Variants in PAK3 observed in about 807,000 individuals in gnomAD.
PAK3 encodes p21 (RAC1) activated kinase 3.
In PAK3, 4 loss-of-function variants were observed where a neutral mutation model predicts 41.0. That is an observed-to-expected ratio of 0.10 (90% CI 0.05 to 0.22). PAK3 has a LOEUF of 0.22. PAK3 is among the 10% of genes least tolerant of loss of function. PAK3 has a pLI of 1.00. For synonymous variants in PAK3, 146 were observed against 139.6 expected, an observed-to-expected ratio of 1.05 and a Z score of -0.32; for missense variants, 205 against 409.9, an observed-to-expected ratio of 0.50 and a Z score of 4.32.
At chrX:110,962,185 A>G (rs1004008275) in intron 1 of PAK3, among the ~76,000 whole-genome samples, 1 of 112,000 alleles carries the variant, frequency 8.9e-6, no homozygotes, top group Admixed American at 9.4e-5. Flanking sequence ...CTGCCTATGG[A>G]CTGCCTCTGC....
chrX:111,134,428 C>G (rs1311460516), intron 5 of PAK3, among the ~76,000 whole-genome samples: 1 of 112,186 alleles, frequency 8.9e-6, no homozygotes, highest in African/African-American at 3.2e-5. Flanking sequence ...TGACCTGTCC[C>G]CATATACTGG....
intron 1 of PAK3, among the ~76,000 whole-genome samples, chrX:111,046,202 C>T (rs1322273699): frequency 9.0e-6 from 1 of 111,587 alleles, no homozygotes; most frequent in Non-Finnish European, 1.9e-5. Context: ...GTTAACTCTA[C>T]TCATTTGCTG....
chrX:110,999,619 A>T lies in PAK3; in HGVS notation c.-28+54991A>T, dbSNP rs1174344514. 4.8e-5 allele frequency among the ~76,000 whole-genome samples: 5 copies of T among 105,044 alleles called. No individual in the cohort carries two copies. In the Admixed American group the frequency reaches 5.2e-4, roughly 11 times the overall value. The allele number at this position is 105,044 out of a possible 115,157, so 91.2% of individuals were successfully genotyped here. A position where few individuals can be genotyped will look rare whatever the true frequency, so the allele number is the denominator to read the frequency against. On this transcript the variant is annotated intron_variant, in intron 1 of 14. Transcript: ENST00000425146. ...GCCACTTAATTTATACATGCAAGGT[A>T]TTGGGTTTTATTGGGGGAGTGGTGG...
At chrX:110,974,950 G>A in intron 1 of PAK3, among the ~76,000 whole-genome samples, 1 of 111,653 alleles carries the variant, frequency 9.0e-6, no homozygotes, top group Non-Finnish European at 1.9e-5. Context: ...AGGTATTGAT[G>A]GAACAAATCT....
intron 13 of PAK3, among the ~76,000 whole-genome samples, chrX:111,192,901 T>C (rs2094573378): frequency 1.8e-5 from 2 of 111,809 alleles, no homozygotes; most frequent in African/African-American, 6.5e-5. Context: ...GAGGGAGTAG[T>C]GGTTTAAACA....
intron 1 of PAK3, among the ~76,000 whole-genome samples, chrX:111,005,399 G>A (rs758344542): frequency 2.7e-5 from 3 of 111,584 alleles, no homozygotes; most frequent in African/African-American, 9.8e-5. Flanking sequence ...CATTGAAGCC[G>A]GTAGACTGAC....
intron 16 of PAK3, among the ~76,000 whole-genome samples, chrX:111,208,578 A>G (rs771111247): frequency 4.6e-4 from 52 of 112,308 alleles, no homozygotes; most frequent in Non-Finnish European, 8.3e-4. Flanking sequence ...ACAGTATTCA[A>G]TACAGTCACA....
intron 11 of PAK3, among the ~76,000 whole-genome samples, chrX:111,183,042 TG>T (rs2094475968): frequency 8.9e-6 from 1 of 111,914 alleles, no homozygotes; most frequent in African/African-American, 3.2e-5. Flanking sequence ...GTACCACACT[TG>T]CACTTAGCAC....
At chrX:111,072,774 C>T (rs1206524901) in intron 1 of PAK3, among the ~76,000 whole-genome samples, 2 of 111,964 alleles carry the variant, frequency 1.8e-5, no homozygotes, top group African/African-American at 3.2e-5. Flanking sequence ...AGGACAGTAA[C>T]CAAGTTTGAA....
intron 5 of PAK3, among the ~76,000 whole-genome samples, chrX:111,132,438 G>A (rs1196305241): frequency 9.0e-6 from 1 of 110,941 alleles, no homozygotes; most frequent in Non-Finnish European, 1.9e-5. Context: ...AATACAGATT[G>A]CACCTGGGCA....
intron 1 of PAK3, among the ~76,000 whole-genome samples, chrX:111,074,708 G>C (rs995530194): frequency 6.2e-5 from 7 of 112,070 alleles, no homozygotes; most frequent in African/African-American, 2.3e-4. Flanking sequence ...TGAAAAATTT[G>C]AATGTTGCAG....
At chrX:111,125,057 A>C (rs1415924212) in intron 5 of PAK3, among the ~76,000 whole-genome samples, 1 of 111,692 alleles carries the variant, frequency 9.0e-6, no homozygotes, top group East Asian at 2.8e-4. Context: ...TTATAAACTA[A>C]TGTATAACTT....
intron 4 of PAK3, among the ~76,000 whole-genome samples, chrX:111,121,296 T>C (rs1281860975): frequency 9.0e-6 from 1 of 111,554 alleles, no homozygotes; most frequent in Non-Finnish European, 1.9e-5. Context: ...ATGCAAGACA[T>C]GACACTTAGC....
intron 5 of PAK3, among the ~76,000 whole-genome samples, chrX:111,126,759 A>C (rs1395165919): frequency 1.3e-4 from 15 of 111,979 alleles, no homozygotes; most frequent in Non-Finnish European, 2.6e-4. Flanking sequence ...TTTGGACCTT[A>C]TCAATGAACA....
intron 10 of PAK3, among the ~76,000 whole-genome samples, chrX:111,171,560 T>C (rs1367667469): frequency 9.0e-6 from 1 of 111,645 alleles, no homozygotes; most frequent in African/African-American, 3.3e-5. Flanking sequence ...CTGGATTTTT[T>C]TGAAATAGCA....
At chrX:111,195,174 C>A (rs1569458749) in intron 14 of PAK3, among the ~76,000 whole-genome samples, 1 of 109,992 alleles carries the variant, frequency 9.1e-6, no homozygotes, top group African/African-American at 3.3e-5. Flanking sequence ...CTAATCTCTG[C>A]TTTTTTTTTA....
chrX:111,065,317 G>GTTTTTTTTTTTTT (rs56710729), intron 1 of PAK3, among the ~76,000 whole-genome samples: 2 of 102,268 alleles, frequency 2.0e-5, no homozygotes. Context: ...AGATGATCAC[G>GTTTTTTTTTTTTT]TTTTTTTTTT....
intron 1 of PAK3, among the ~76,000 whole-genome samples, chrX:111,073,145 C>T (rs2092759143): frequency 9.0e-6 from 1 of 111,050 alleles, no homozygotes; most frequent in Non-Finnish European, 1.9e-5. Context: ...GGAGGGGCTA[C>T]CACTATCTTT....
chrX:111,221,948 T>C lies in PAK3; in HGVS notation c.*1501T>C, dbSNP rs1189404115. 2 of 112,186 alleles carry C rather than the reference T, an allele frequency of 1.8e-5. No homozygotes were observed. The highest frequency in any genetic ancestry group is 5.6e-4 in the East Asian group (2 of 3,588). 9.2% of individuals were successfully genotyped at this position (112,186 alleles called of 1,213,427 possible). A position where few individuals can be genotyped will look rare whatever the true frequency, so the allele number is the denominator to read the frequency against. On this transcript the variant is annotated 3_prime_UTR_variant, in exon 18 of 18. Coordinates refer to ENST00000372007, the MANE Select transcript of PAK3 (RefSeq NM_002578.5). ...ACAAAATTTGACTACTATTTCACCA[T>C]ATATCTATTTATTAAAAAATTCAAC...
Sources: allele counts gnomAD v4.1 joint callset (sites outside exome capture counted in the v4.1 genomes callset), GRCh38; gene constraint gnomAD v4.1.1; transcripts MANE v1.5; gene names NCBI Gene and HGNC (gene_info 2026-07-23, HGNC 2026-07-21).